HIPK3: variants seen among roughly 807,000 people sequenced by gnomAD.
HIPK3 encodes homeodomain interacting protein kinase 3, also known as homeodomain-interacting protein kinase 3.
A neutral mutation model predicts 124.2 loss-of-function variants in HIPK3; 47 were observed. That is an observed-to-expected ratio of 0.38 (90% confidence interval 0.30 to 0.48). The LOEUF (loss-of-function observed/expected upper bound fraction) is 0.48. Ranked by LOEUF, HIPK3 falls within the 20% of genes least tolerant of loss-of-function variation. The pLI is 0.98. For synonymous variants in HIPK3, 482 were observed against 515.2 expected (o/e 0.94, Z 0.87); for missense variants, 1,286 against 1,454.3 (o/e 0.88, Z 1.88).
In HIPK3 at chr11:33,347,279, A is replaced by C. The variant is rs773116419; in HGVS notation, c.1898-14A>C. The C allele has an allele frequency of 2.3e-5, 37 of 1,601,602 alleles. No homozygotes were observed. The South Asian group carries it at 3.9e-4, about 17-fold the overall frequency. ...AGATTTTTTCTTTTATTTGATAACT[A>C]TTCTGTTTCACAGGTATTCCTGCAA... On this transcript the variant is annotated splice_polypyrimidine_tract_variant and intron_variant, in intron 8 of 16. Transcript: ENST00000303296.
chr11:33,297,156 C>T (rs1054471043), intron 2 of HIPK3, among the ~76,000 whole-genome samples: 1 of 148,218 alleles, frequency 6.7e-6, no homozygotes, highest in Non-Finnish European at 1.5e-5. Flanking sequence ...TGCAGTGGCA[C>T]AATCTTGGCT....
At chr11:33,269,609 A>G (rs1219452951) in intron 1 of HIPK3, among the ~76,000 whole-genome samples, 3 of 151,644 alleles carry the variant, frequency 2.0e-5, no homozygotes, top group Non-Finnish European at 4.4e-5. Flanking sequence ...CTTCAAGTCT[A>G]GGGTCCTCTG....
intron 2 of HIPK3, among the ~76,000 whole-genome samples, chr11:33,306,977 C>T (rs967697787): frequency 1.4e-5 from 2 of 145,218 alleles, no homozygotes; most frequent in Admixed American, 7.1e-5. Context: ...CTCACTCTGT[C>T]GCCCAGGCTG....
At chr11:33,293,865 C>CA (rs770212564) in intron 2 of HIPK3, among the ~76,000 whole-genome samples, 17 of 151,590 alleles carry the variant, frequency 1.1e-4, no homozygotes, top group South Asian at 2.1e-4. Flanking sequence ...AGACAAAGAA[C>CA]AAAAAAAAGT....
At chr11:33,272,414 ATAATAATTC>A (rs942772003) in intron 1 of HIPK3, among the ~76,000 whole-genome samples, 44 of 151,906 alleles carry the variant, frequency 2.9e-4, no homozygotes, top group African/African-American at 1.1e-3. Flanking sequence ...AAAAAAAATA[ATAATAATTC>A]AATGTCGTTT....
At chr11:33,300,494 T>G (rs1199464276) in intron 2 of HIPK3, among the ~76,000 whole-genome samples, 1 of 152,234 alleles carries the variant, frequency 6.6e-6, no homozygotes, top group East Asian at 1.9e-4. Flanking sequence ...TGTTAGCATT[T>G]TTTAGCTATC....
intron 2 of HIPK3, among the ~76,000 whole-genome samples, chr11:33,304,128 A>G (rs554830110): frequency 6.6e-6 from 1 of 152,242 alleles, no homozygotes; most frequent in Non-Finnish European, 1.5e-5. Flanking sequence ...TTTAGTAGAG[A>G]CGGGGTGTCA....
intron 16 of HIPK3, among the ~76,000 whole-genome samples, chr11:33,352,701 T>G (rs1232519052): frequency 2.0e-5 from 3 of 152,180 alleles, no homozygotes; most frequent in Non-Finnish European, 4.4e-5. Context: ...ACAAATCTGA[T>G]TTGGAGCACA....
At chr11:33,322,452 G>C (rs894084312) in intron 2 of HIPK3, among the ~76,000 whole-genome samples, 2 of 152,130 alleles carry the variant, frequency 1.3e-5, no homozygotes, top group African/African-American at 4.8e-5. Flanking sequence ...CTAGAGGTTT[G>C]AAAAATGAAT....
Position 33,341,010 on chromosome 11 carries a change from C to T in HIPK3, c.1656C>T (p.His552=). ...CFHIMDICKS[H]LNSCDTNNHN... ...ATATTATGGATATTTGTAAGTCCCA[C>T]CTAAATTCATGTGACACAAATAATC... The change falls in exon 7 of 17, where the codon CAC becomes CAT. Residue 552 remains histidine (H), a synonymous_variant. Coordinates refer to ENST00000303296, the MANE Select transcript of HIPK3 (RefSeq NM_005734.5). The T allele has an allele frequency of 6.2e-7, 1 of 1,606,496 alleles. No homozygotes were observed. Among genetic ancestry groups the T allele is most frequent in the Non-Finnish European group, 8.5e-7 (1 of 1,173,830 alleles).
intron 3 of HIPK3, among the ~76,000 whole-genome samples, chr11:33,330,835 CT>C (rs546326147): frequency 2.9e-4 from 40 of 139,398 alleles, no homozygotes; most frequent in Admixed American, 5.0e-4. Flanking sequence ...CTTTCAAGTG[CT>C]TTTTTTTTTG....
At chr11:33,348,952 C>A in intron 13 of HIPK3, 134 bp downstream of exon 13, 1 of 920,142 alleles carries the variant, frequency 1.1e-6, no homozygotes, top group Non-Finnish European at 1.6e-6. Flanking sequence ...TAACCCAGTT[C>A]TAGACAGGGA....
intron 1 of HIPK3, among the ~76,000 whole-genome samples, chr11:33,270,380 C>T (rs1365194512): frequency 1.3e-5 from 2 of 152,116 alleles, no homozygotes; most frequent in Non-Finnish European, 2.9e-5. Context: ...ACGATCTTGG[C>T]TCACTGCAAC....
intron 3 of HIPK3, among the ~76,000 whole-genome samples, chr11:33,329,459 A>G (rs763876534): frequency 1.3e-5 from 2 of 152,202 alleles, no homozygotes; most frequent in Non-Finnish European, 2.9e-5. Context: ...TAAAGCACCT[A>G]TTACATAATC....
intron 1 of HIPK3, among the ~76,000 whole-genome samples, chr11:33,283,427 T>C (rs1158708317): frequency 6.6e-6 from 1 of 152,026 alleles, no homozygotes; most frequent in Admixed American, 6.6e-5. Context: ...GGAATTTCAA[T>C]TTATAATTTT....
intron 3 of HIPK3, among the ~76,000 whole-genome samples, chr11:33,329,444 G>T (rs1413013111): frequency 6.6e-6 from 1 of 151,938 alleles, no homozygotes; most frequent in Non-Finnish European, 1.5e-5. Flanking sequence ...GAAAATAGAA[G>T]AATTTAAAGC....
At position 33,305,930 on chromosome 11, in the gene HIPK3, A is replaced by G. The variant is rs140419591; in HGVS notation, c.1097+18419A>G. Reference sequence around the variant, plus strand: ...GGTGTGATCATGGCTCACTGCAGCTATATGTTGCCCAGGCTGCTGTTGGAC... The same window carrying G: ...GGTGTGATCATGGCTCACTGCAGCTGTATGTTGCCCAGGCTGCTGTTGGAC... On this transcript the variant is annotated intron_variant, in intron 2 of 16. Transcript: ENST00000303296. 5.7e-3 allele frequency among the ~76,000 whole-genome samples: 866 copies of G among 151,898 alleles called. 8 individuals carry two copies. Among genetic ancestry groups the G allele is most frequent in the Non-Finnish European group, 5.4e-3 (365 of 67,960 alleles).
At chr11:33,301,327 G>T (rs1452868205) in intron 2 of HIPK3, among the ~76,000 whole-genome samples, 1 of 152,052 alleles carries the variant, frequency 6.6e-6, no homozygotes, top group Non-Finnish European at 1.5e-5. Context: ...AGTTACTTAG[G>T]TTAGTTCCTC....
intron 1 of HIPK3, among the ~76,000 whole-genome samples, chr11:33,267,290 T>A (rs1360545198): frequency 6.6e-6 from 1 of 151,784 alleles, no homozygotes; most frequent in Non-Finnish European, 1.5e-5. Context: ...TTTTTGTATT[T>A]TTAGTAGAGA....
Sources: gnomAD v4.1 joint callset for allele counts (sites outside exome capture counted in the v4.1 genomes callset) on GRCh38, gnomAD v4.1.1 for gene constraint, MANE v1.5 for transcripts, NCBI Gene and HGNC (gene_info 2026-07-23, HGNC 2026-07-21) for gene names.